SLIT3: variants seen among roughly 807,000 people sequenced by gnomAD.
SLIT3 encodes the protein slit homolog 3 protein.
In SLIT3, 68 loss-of-function variants were observed where a neutral mutation model predicts 184.0. That is an observed-to-expected ratio of 0.37 (90% CI 0.30 to 0.45). The LOEUF is 0.45. Among genes scored for constraint, SLIT3 ranks in the 20% least tolerant of loss-of-function variants. The pLI is 1.00. For missense variants in SLIT3, 1,707 were observed against 2,026.0 expected (o/e 0.84, Z 3.02); for synonymous variants, 831 against 828.6 (o/e 1.00, Z -0.05).
intron 2 of SLIT3, 82 bp downstream of exon 2, chr5:169,251,306 G>C (rs1765766109): frequency 4.3e-6 from 4 of 927,368 alleles, no homozygotes; most frequent in Non-Finnish European, 7.2e-6. Flanking sequence ...TTGGGAGTGT[G>C]ATGTCAGGGG....
chr5:169,072,922 CT>C (rs1758607103), intron 4 of SLIT3, among the ~76,000 whole-genome samples: 2 of 152,212 alleles, frequency 1.3e-5, no homozygotes, highest in Admixed American at 1.3e-4. Context: ...CCGCCACTTG[CT>C]GAAATACCAG....
intron 6 of SLIT3, among the ~76,000 whole-genome samples, chr5:168,828,465 T>C (rs1757771863): frequency 6.6e-6 from 1 of 151,598 alleles, no homozygotes; most frequent in Admixed American, 6.6e-5. Context: ...AACCTGTCTC[T>C]ACCAAAAAAA....
At chr5:168,851,370 C>T (rs539786516) in intron 5 of SLIT3, among the ~76,000 whole-genome samples, 244 of 150,312 alleles carry the variant, frequency 1.6e-3, no homozygotes, top group Non-Finnish European at 3.0e-3. Context: ...AGAGATCCCA[C>T]TTAATTTTGG....
intron 8 of SLIT3, among the ~76,000 whole-genome samples, chr5:168,809,434 G>C (rs766346050): frequency 6.6e-6 from 1 of 152,144 alleles, no homozygotes; most frequent in Non-Finnish European, 1.5e-5. Flanking sequence ...CCAGGCATTC[G>C]CACATGGTGA....
chr5:169,217,898 T>C (rs1764499407), intron 3 of SLIT3, among the ~76,000 whole-genome samples: 1 of 152,200 alleles, frequency 6.6e-6, no homozygotes, highest in Non-Finnish European at 1.5e-5. Flanking sequence ...AGCTGCTGTT[T>C]CCCGGCTGTC....
chr5:168,897,646 G>GCGCGCGCGCGCACACACACACACACA, intron 4 of SLIT3, among the ~76,000 whole-genome samples: 1 of 105,382 alleles, frequency 9.5e-6, no homozygotes, highest in Non-Finnish European at 2.0e-5. Flanking sequence ...ACAGGTGCAC[G>GCGCGCGCGCGCACACACACACACACA]TACACACACA....
chr5:169,154,890 G>C (rs1281635270), intron 4 of SLIT3, among the ~76,000 whole-genome samples: 1 of 152,184 alleles, frequency 6.6e-6, no homozygotes, highest in African/African-American at 2.4e-5. Context: ...TAAGCTCATC[G>C]AGGCTTTTCC....
At chr5:169,270,255 C>T (rs1012283589) in intron 1 of SLIT3, among the ~76,000 whole-genome samples, 37 of 152,216 alleles carry the variant, frequency 2.4e-4, no homozygotes, top group Middle Eastern at 3.4e-3. Context: ...GTGCCAGGAC[C>T]GAGTCTAATC....
chr5:169,028,783 G>A (rs75062007), intron 4 of SLIT3, among the ~76,000 whole-genome samples: 2,324 of 151,992 alleles, frequency 0.015, 59 homozygotes, highest in African/African-American at 0.052. Context: ...GTATTTTTTC[G>A]ACAATCACAT....
At chr5:169,271,119 C>T (rs1766592970) in intron 1 of SLIT3, among the ~76,000 whole-genome samples, 1 of 152,088 alleles carries the variant, frequency 6.6e-6, no homozygotes, top group Non-Finnish European at 1.5e-5. Context: ...ATGTTGTGGT[C>T]CTGACTGTAG....
chr5:168,920,021 GT>G (rs1464447161), intron 4 of SLIT3, among the ~76,000 whole-genome samples: 6 of 152,162 alleles, frequency 3.9e-5, no homozygotes, highest in African/African-American at 1.4e-4. Flanking sequence ...ATCAAGCGAG[GT>G]TTTGGGTTTC....
chr5:169,193,497 G>T lies in SLIT3; in HGVS notation c.395C>A (p.Thr132Lys). Residue 132 changes from threonine to lysine, a missense_variant, in exon 4 of 36, where the codon ACG (threonine) becomes AAG (lysine). This residue lies in a region of SLIT3 where 1,307 missense variants were observed against 1,511.6 expected (regional missense o/e 0.86). Transcript: ENST00000519560. Reference sequence around the variant, plus strand: ...TACTCACAGTCTGGTGAGCTTCGGCGTGCTCTGGAAAAGCAATTCTGGAAG... The same window carrying T: ...TACTCACAGTCTGGTGAGCTTCGGCTTGCTCTGGAAAAGCAATTCTGGAAG... ...QVLPELLFQS[T>K]PKLTRLDLSE... is the part of the protein sequence containing the mutation. 6.2e-7 allele frequency: 1 copy of T among 1,614,022 alleles called. No individual in the cohort carries two copies. Among genetic ancestry groups the T allele is most frequent in the Non-Finnish European group, 8.5e-7 (1 of 1,179,912 alleles).
intron 4 of SLIT3, among the ~76,000 whole-genome samples, chr5:168,988,696 G>A (rs1755215847): frequency 6.6e-6 from 1 of 152,200 alleles, no homozygotes; most frequent in Non-Finnish European, 1.5e-5. Flanking sequence ...GGGTGAATGG[G>A]TGGGATTTAA....
rs752780234 is a variant in SLIT3 at position 168,666,464 on chromosome 5, G to A, written c.4562C>T (p.Ala1521Val). Residue 1521 changes from alanine to valine, a missense_variant, in exon 36 of 36, where the codon GCG becomes GTG. Ala to Val is a moderately conservative substitution (Grantham distance 64). This residue lies in a region of SLIT3 where 387 missense variants were observed against 477.9 expected (regional missense o/e 0.81). Transcript: ENST00000519560. ...VERHLECGCL[A>V]CS ...CAGGCGGGCAGGGGCTTAGGAACAC[G>A]CGAGGCAGCCGCACTCTAAGTGTCT... 1.3e-5 allele frequency: 20 copies of A among 1,570,432 alleles called. No individual in the cohort carries two copies. The highest frequency in any genetic ancestry group is 1.2e-4 in the South Asian group (10 of 84,990).
chr5:169,203,570 C>G (rs908897179), intron 3 of SLIT3, among the ~76,000 whole-genome samples: 1 of 152,184 alleles, frequency 6.6e-6, no homozygotes, highest in Non-Finnish European at 1.5e-5. Flanking sequence ...AAGAATCACT[C>G]CTGGATCTCT....
chr5:168,814,642 G>GCTTCCTCT (rs1757273304), intron 8 of SLIT3, among the ~76,000 whole-genome samples: 1 of 152,186 alleles, frequency 6.6e-6, no homozygotes, highest in Non-Finnish European at 1.5e-5. Context: ...CCTCCACATT[G>GCTTCCTCT]CTTCCTCTCA....
At chr5:168,765,055 G>A (rs971941960) in intron 14 of SLIT3, among the ~76,000 whole-genome samples, 1 of 152,178 alleles carries the variant, frequency 6.6e-6, no homozygotes, top group Non-Finnish European at 1.5e-5. Context: ...TTCACAATGT[G>A]TCTATAATGG....
At chr5:168,810,243 G>C (rs1008469674) in intron 8 of SLIT3, among the ~76,000 whole-genome samples, 1 of 152,206 alleles carries the variant, frequency 6.6e-6, no homozygotes, top group African/African-American at 2.4e-5. Flanking sequence ...TATTGGGATA[G>C]AAGGAATCAC....
chr5:168,973,407 C>A (rs1406269454), intron 4 of SLIT3, among the ~76,000 whole-genome samples: 2 of 152,044 alleles, frequency 1.3e-5, no homozygotes, highest in Admixed American at 6.6e-5. Flanking sequence ...ACTGCCACAC[C>A]CAGCTCATTT....
Sources: allele counts gnomAD v4.1 joint callset (sites outside exome capture counted in the v4.1 genomes callset), GRCh38; gene constraint gnomAD v4.1.1; regional missense constraint gnomAD v4.1.1; transcripts MANE v1.5; gene names NCBI Gene and HGNC (gene_info 2026-07-23, HGNC 2026-07-21).